Variants in CHODL observed in about 807,000 individuals in gnomAD.
The protein encoded by CHODL is transmembrane protein MT75.
A neutral mutation model predicts 34.5 loss-of-function variants in CHODL; 29 were observed. The ratio of observed to expected loss-of-function variants is 0.84; its 90% CI spans 0.63 to 1.15. The LOEUF (loss-of-function observed/expected upper bound fraction) is 1.15. Among genes scored for constraint, CHODL ranks in the 50% most tolerant of loss-of-function variants. CHODL has a pLI of 0.00. For missense variants in CHODL, 332 were observed against 332.5 expected (o/e 1.00, Z 0.01); for synonymous variants, 125 against 116.1 (o/e 1.08, Z -0.49).
chr21:17,977,727 G>A (rs967767672), intron 1 of CHODL, among the ~76,000 whole-genome samples: 83 of 146,268 alleles, frequency 5.7e-4, no homozygotes, highest in Non-Finnish European at 1.0e-3. Context: ...GACCATCCTG[G>A]CCAACATGGT....
intron 2 of CHODL, among the ~76,000 whole-genome samples, chr21:18,130,549 T>C (rs949358681): frequency 6.6e-6 from 1 of 152,176 alleles, no homozygotes; most frequent in African/African-American, 2.4e-5. Context: ...GAATGAACAG[T>C]GCACCCTTAA....
At chr21:18,189,693 G>C (rs929143291) in intron 2 of CHODL, among the ~76,000 whole-genome samples, 4 of 149,484 alleles carry the variant, frequency 2.7e-5, no homozygotes, top group African/African-American at 9.9e-5. Context: ...GGAGTGCAGT[G>C]GTGCGATCTC....
chr21:18,090,967 A>T (rs2065066204), intron 2 of CHODL, among the ~76,000 whole-genome samples: 1 of 152,238 alleles, frequency 6.6e-6, no homozygotes. Flanking sequence ...GGCATCTTGA[A>T]TCACAGAAAC....
intron 3 of CHODL, among the ~76,000 whole-genome samples, chr21:18,257,837 G>C (rs1243633772): frequency 6.6e-6 from 1 of 152,184 alleles, no homozygotes; most frequent in African/African-American, 2.4e-5. Flanking sequence ...AACTAGGACG[G>C]ATCGTCTGAA....
At chr21:18,148,888 A>T (rs1054022401) in intron 2 of CHODL, among the ~76,000 whole-genome samples, 197 of 151,092 alleles carry the variant, frequency 1.3e-3, no homozygotes, top group African/African-American at 4.7e-3. Context: ...GGCTGTCAAA[A>T]AAAAAAAAAA....
rs532788074 is a variant in CHODL at position 18,174,288 on chromosome 21, A to G, written c.-44-82221A>G. 2.0e-5 allele frequency among the ~76,000 whole-genome samples: 3 copies of G among 150,960 alleles called. No individual in the cohort carries two copies. The South Asian group carries it at 6.3e-4, about 32-fold the overall frequency. Reference sequence around the variant, plus strand: ...GATATGGAGATTGTATTTGAAAATCATATATACATAGCACACAAAATAATT... The same window carrying G: ...GATATGGAGATTGTATTTGAAAATCGTATATACATAGCACACAAAATAATT... On this transcript the variant is annotated intron_variant, in intron 2 of 6. Coordinates refer to the CHODL transcript ENST00000400127.
chr21:18,230,932 T>C (rs554184765), intron 2 of CHODL, among the ~76,000 whole-genome samples: 19 of 152,160 alleles, frequency 1.2e-4, no homozygotes, highest in Non-Finnish European at 2.1e-4. Flanking sequence ...TTTTATGATT[T>C]TTTTTCTTTC....
At chr21:17,938,798 T>C (rs1462475714) in intron 1 of CHODL, among the ~76,000 whole-genome samples, 1 of 152,162 alleles carries the variant, frequency 6.6e-6, no homozygotes, top group Non-Finnish European at 1.5e-5. Flanking sequence ...TTCTTTGCTT[T>C]CTAAAGGTCC....
In CHODL at chr21:18,021,535, G is replaced by T. The variant is rs185382522; in HGVS notation, c.-144-6337G>T. Among the ~76,000 whole-genome samples, 8 of 152,284 alleles carry T rather than the reference G, an allele frequency of 5.3e-5. No individual in the cohort carries two copies. The East Asian group carries it at 1.5e-3, about 29-fold the overall frequency. On this transcript the variant is annotated intron_variant, in intron 1 of 6. Transcript: ENST00000400127. ...GTTCACCTTAGCTCAAAGGACTTCAGATTCTGGATTGTATGTTAATAAATC... is the reference window on the plus strand; with the variant it reads ...GTTCACCTTAGCTCAAAGGACTTCATATTCTGGATTGTATGTTAATAAATC...
At chr21:18,142,362 C>T (rs897895206) in intron 2 of CHODL, among the ~76,000 whole-genome samples, 5 of 152,092 alleles carry the variant, frequency 3.3e-5, no homozygotes, top group African/African-American at 1.2e-4. Context: ...TCTGTGCCAT[C>T]GATCAACCTA....
At chr21:18,248,732 A>AC (rs1555885914) in intron 1 of CHODL, among the ~76,000 whole-genome samples, 2,296 of 119,574 alleles carry the variant, frequency 0.019, 105 homozygotes, top group African/African-American at 0.08. Context: ...ATATGTATAT[A>AC]ATATATATGT....
chr21:18,161,369 A>G (rs1021201705), intron 2 of CHODL, among the ~76,000 whole-genome samples: 1 of 152,140 alleles, frequency 6.6e-6, no homozygotes, highest in South Asian at 2.1e-4. Context: ...ACATTTATAC[A>G]TGTTCTTTCA....
chr21:18,135,811 A>G (rs1404935604), intron 2 of CHODL, among the ~76,000 whole-genome samples: 1 of 152,140 alleles, frequency 6.6e-6, no homozygotes, highest in East Asian at 1.9e-4. Flanking sequence ...GAATGTATGG[A>G]TAAATAAGAA....
At chr21:18,183,247 ATTATC>A (rs1427309121) in intron 2 of CHODL, among the ~76,000 whole-genome samples, 1 of 152,180 alleles carries the variant, frequency 6.6e-6, no homozygotes, top group Non-Finnish European at 1.5e-5. Context: ...ATATGATGCT[ATTATC>A]TTCTAATAGG....
At position 18,256,595 on chromosome 21, in the gene CHODL, G is replaced by A. The variant is rs1346283320; in HGVS notation, c.166G>A (p.Glu56Lys). Residue 56 changes from glutamate to lysine, a missense_variant, in exon 2 of 6, where the codon GAG becomes AAG. Physicochemically the swap from Glu to Lys is moderately conservative, Grantham distance 56. Coordinates refer to ENST00000299295, the MANE Select transcript of CHODL (RefSeq NM_024944.3). ...ACTGTCCAGCCGAGTGAGCTTTCAG[G>A]AGGCACGCCTGGCTTGTGAGAGTGA... Reference protein sequence around the residue: ...HELSSRVSFQEARLACESEGG... With the variant: ...HELSSRVSFQKARLACESEGG... 1 of 1,613,902 alleles carries A rather than the reference G, an allele frequency of 6.2e-7. No homozygotes were observed. The highest frequency in any genetic ancestry group is 2.2e-5 in the East Asian group (1 of 44,896).
intron 2 of CHODL, among the ~76,000 whole-genome samples, chr21:18,159,649 T>G (rs750688944): frequency 3.9e-5 from 6 of 152,208 alleles, no homozygotes; most frequent in Non-Finnish European, 5.9e-5. Context: ...TCAGAACCTG[T>G]GAATACTACT....
Position 18,188,717 on chromosome 21 carries a change from C to T in CHODL, c.-44-67792C>T, listed in dbSNP as rs2073474859. 2.0e-5 allele frequency among the ~76,000 whole-genome samples: 3 copies of T among 152,166 alleles called. No individual in the cohort carries two copies. In the South Asian group the frequency reaches 6.2e-4, roughly 32 times the overall value. The stretch of plus-strand genomic sequence containing the variant: ...GAAAAGCCATTGTGTTATGGACACC[C>T]AACTTTCATATTTGTTATTGTGTGT... On this transcript the variant is annotated intron_variant, in intron 2 of 6. Coordinates refer to the CHODL transcript ENST00000400127.
intron 1 of CHODL, among the ~76,000 whole-genome samples, chr21:17,950,380 TGAGA>T (rs982526760): frequency 2.7e-5 from 4 of 150,784 alleles, no homozygotes; most frequent in African/African-American, 9.8e-5. Context: ...GAGAATAAAA[TGAGA>T]GAGAGAGAAA....
Position 18,266,878 on chromosome 21 carries a change from T to C in CHODL, c.*840T>C, listed in dbSNP as rs11909235. On this transcript the variant is annotated 3_prime_UTR_variant, in exon 6 of 6. Transcript: ENST00000299295. ...AGTGACATACACAATATAAATCATATGTCTTCACACGTTGCCTATATAATG... is the reference window on the plus strand; with the variant it reads ...AGTGACATACACAATATAAATCATACGTCTTCACACGTTGCCTATATAATG... 0.24 allele frequency: 35,898 copies of C among 152,482 alleles called. 4,892 individuals are homozygous for C. The highest frequency in any genetic ancestry group is 0.38 in the African/African-American group (15,711 of 41,496). 9.4% of individuals were successfully genotyped at this position (152,482 alleles called of 1,614,324 possible).
Sources: allele counts gnomAD v4.1 joint callset (sites outside exome capture counted in the v4.1 genomes callset), GRCh38; gene constraint gnomAD v4.1.1; transcripts MANE v1.5; gene names NCBI Gene and HGNC (gene_info 2026-07-23, HGNC 2026-07-21).